Variants in FIP1L1 observed in about 807,000 individuals in gnomAD.
The protein encoded by FIP1L1 is factor interacting with PAPOLA and CPSF1.
Under a neutral mutation model 84.6 loss-of-function variants are expected in FIP1L1, and 21 were observed. The observed-to-expected ratio is 0.25, with a 90% CI of 0.18 to 0.36. FIP1L1 has a LOEUF of 0.36. Among genes scored for constraint, FIP1L1 ranks in the 10% least tolerant of loss-of-function variants. FIP1L1 has a pLI of 1.00. For missense variants in FIP1L1, 526 were observed against 751.1 expected (o/e 0.70, Z 3.50); for synonymous variants, 263 against 242.3 (o/e 1.09, Z -0.80).
intron 16 of FIP1L1, among the ~76,000 whole-genome samples, chr4:53,457,838 G>C (rs1720119303): frequency 6.6e-6 from 1 of 152,140 alleles, no homozygotes; most frequent in Admixed American, 6.6e-5. Context: ...GATGGAAAGA[G>C]AATGTCAGTT....
chr4:53,421,752 A>G (rs1462758822), intron 11 of FIP1L1, among the ~76,000 whole-genome samples: 4 of 152,256 alleles, frequency 2.6e-5, no homozygotes, highest in Admixed American at 6.5e-5. Flanking sequence ...ATATGGTTAT[A>G]AACTTTCAAG....
At chr4:53,404,720 G>A (rs1225561062) in intron 10 of FIP1L1, among the ~76,000 whole-genome samples, 2 of 152,290 alleles carry the variant, frequency 1.3e-5, no homozygotes, top group South Asian at 2.1e-4. Context: ...GGTGTGAGAT[G>A]CTATCTCATT....
At chr4:53,452,508 G>A (rs562847656) in intron 15 of FIP1L1, among the ~76,000 whole-genome samples, 5 of 151,616 alleles carry the variant, frequency 3.3e-5, no homozygotes, top group Admixed American at 6.6e-5. Context: ...TAATAGAGAC[G>A]GGGTTTCACC....
chr4:53,391,112 A>T lies in FIP1L1; in HGVS notation c.609A>T (p.Pro203=). The T allele has an allele frequency of 6.2e-7, 1 of 1,609,860 alleles. No individual in the cohort carries two copies. Among genetic ancestry groups the T allele is most frequent in the Non-Finnish European group, 8.5e-7 (1 of 1,178,626 alleles). The stretch of plus-strand genomic sequence containing the variant: ...TACGAATGGGACTTGAAGTTATACC[A>T]GTAACCTCTACTACAAATAAAATTA... ...KRIRMGLEVI[P]VTSTTNKITA... Residue 203 remains proline, a synonymous_variant, in exon 8 of 18, where the codon CCA becomes CCT. Transcript: ENST00000337488.
intron 12 of FIP1L1, among the ~76,000 whole-genome samples, chr4:53,427,588 G>C (rs1443532223): frequency 1.3e-5 from 2 of 152,144 alleles, no homozygotes; most frequent in East Asian, 3.9e-4. Context: ...CCCTTGTACA[G>C]TGAATGTCTG....
chr4:53,453,290 C>G, intron 16 of FIP1L1, 157 bp downstream of exon 16: 1 of 770,112 alleles, frequency 1.3e-6, no homozygotes, highest in Non-Finnish European at 2.0e-6. Context: ...AGAGGCTTCC[C>G]ATTACCTTGA....
intron 13 of FIP1L1, among the ~76,000 whole-genome samples, chr4:53,436,653 T>G (rs1458111293): frequency 2.0e-5 from 3 of 152,194 alleles, no homozygotes; most frequent in Non-Finnish European, 4.4e-5. Context: ...TTTGCCTTAG[T>G]TATATAAAAT....
At chr4:53,385,189 T>C (rs1001486402) in intron 5 of FIP1L1, among the ~76,000 whole-genome samples, 1 of 152,188 alleles carries the variant, frequency 6.6e-6, no homozygotes, top group African/African-American at 2.4e-5. Context: ...AGGCCTTTAC[T>C]ATCTGCATGA....
intron 10 of FIP1L1, among the ~76,000 whole-genome samples, chr4:53,407,453 G>A (rs995233266): frequency 3.3e-5 from 5 of 152,084 alleles, no homozygotes; most frequent in African/African-American, 9.7e-5. Context: ...TTTGGAATAG[G>A]TGTGGTGTGG....
chr4:53,417,528 G>A (rs796917010), intron 11 of FIP1L1, among the ~76,000 whole-genome samples: 12 of 150,290 alleles, frequency 8.0e-5, no homozygotes, highest in African/African-American at 2.9e-4. Flanking sequence ...TGTAATCCCA[G>A]CTACTCGGGA....
At chr4:53,449,657 T>C (rs1274381629) in intron 15 of FIP1L1, among the ~76,000 whole-genome samples, 6 of 151,978 alleles carry the variant, frequency 3.9e-5, no homozygotes, top group Non-Finnish European at 7.4e-5. Flanking sequence ...GGAATAATCT[T>C]TTTTTTTCCC....
Position 53,377,745 on chromosome 4 carries a change from GTT to G in FIP1L1, c.-93_-92del, listed in dbSNP as rs1290881118. ...GCTTTCTTCGTTCGTTCGTCGGCGGGTTCGCGCCCTTCTCGCGCCTCGGGGCT... is the reference window on the plus strand; with the variant it reads ...GCTTTCTTCGTTCGTTCGTCGGCGGGCGCGCCCTTCTCGCGCCTCGGGGCT... On this transcript the variant is annotated 5_prime_UTR_variant, in exon 1 of 18. It introduces an in-frame stop codon into an upstream open reading frame of the 5' UTR. Transcript: ENST00000337488. 1.1e-5 allele frequency: 14 copies of G among 1,226,750 alleles called. No individual in the cohort carries two copies. The highest frequency in any genetic ancestry group is 1.5e-5 in the Non-Finnish European group (14 of 910,030). 76.0% of individuals were successfully genotyped at this position (1,226,750 alleles called of 1,614,324 possible). A position where few individuals can be genotyped will look rare whatever the true frequency, so the allele number is the denominator to read the frequency against.
chr4:53,459,075 ACTGGGAAT>A (rs1325021111), intron 17 of FIP1L1, among the ~76,000 whole-genome samples: 2 of 152,164 alleles, frequency 1.3e-5, no homozygotes, highest in African/African-American at 4.8e-5. Context: ...GTGTATAGGC[ACTGGGAAT>A]CTGAGATAAT....
In FIP1L1 at chr4:53,425,091, A is replaced by G. The variant is rs570965533; in HGVS notation, c.924-781A>G. 3.9e-5 allele frequency among the ~76,000 whole-genome samples: 6 copies of G among 152,240 alleles called. No homozygotes were observed. In the South Asian group the frequency reaches 1.2e-3, roughly 32 times the overall value. On this transcript the variant is annotated intron_variant, in intron 11 of 17. Transcript: ENST00000337488. ...AGAACTGAAATATAGATGAAGAGAA[A>G]TTCATCTAATTTGCATCCACTTTTC...
chr4:53,430,376 T>G (rs1308953755), intron 13 of FIP1L1, among the ~76,000 whole-genome samples: 1 of 121,264 alleles, frequency 8.2e-6, no homozygotes, highest in Admixed American at 1.0e-4. Context: ...GGAGACAGGG[T>G]CTCACTCTTT....
chr4:53,378,024 C>T (rs1249512953), intron 1 of FIP1L1, 101 bp downstream of exon 1: 7 of 1,104,704 alleles, frequency 6.3e-6, no homozygotes, highest in Non-Finnish European at 8.8e-6. Context: ...CGCTTCGGGC[C>T]TCTGGTTGGG....
chr4:53,456,543 G>A (rs1396242506), intron 16 of FIP1L1, among the ~76,000 whole-genome samples: 1 of 99,782 alleles, frequency 1.0e-5, no homozygotes, highest in Non-Finnish European at 2.7e-5. Flanking sequence ...CTGAAGGCTG[G>A]TATTTTAGCA....
intron 10 of FIP1L1, among the ~76,000 whole-genome samples, chr4:53,406,308 C>T (rs1319221359): frequency 6.6e-6 from 1 of 152,140 alleles, no homozygotes; most frequent in Non-Finnish European, 1.5e-5. Flanking sequence ...TGCTGAATTA[C>T]ATTTATTGAT....
intron 16 of FIP1L1, among the ~76,000 whole-genome samples, chr4:53,453,714 C>T (rs1216026613): frequency 6.6e-6 from 1 of 152,162 alleles, no homozygotes; most frequent in Non-Finnish European, 1.5e-5. Flanking sequence ...ATCCTCCTGG[C>T]CTAGCCTCTC....
Sources: gnomAD v4.1 joint callset for allele counts (sites outside exome capture counted in the v4.1 genomes callset) on GRCh38, gnomAD v4.1.1 for gene constraint, MANE v1.5 for transcripts, NCBI Gene and HGNC (gene_info 2026-07-23, HGNC 2026-07-21) for gene names.